LRRIQ1: variants seen among roughly 807,000 people sequenced by gnomAD.
LRRIQ1 encodes leucine-rich repeat- and IQ domain-containing protein 1.
In LRRIQ1, 210 loss-of-function variants were observed where a neutral mutation model predicts 211.9. The ratio of observed to expected loss-of-function variants is 0.99; its 90% CI spans 0.89 to 1.11. The LOEUF is 1.11. Ranked by LOEUF, LRRIQ1 falls within the 50% of genes most tolerant of loss-of-function variation. LRRIQ1 has a pLI of 0.00. For missense variants in LRRIQ1, 2,136 were observed against 1,939.5 expected, an observed-to-expected ratio of 1.10 and a Z score of -1.90; for synonymous variants, 699 against 650.1, an observed-to-expected ratio of 1.08 and a Z score of -1.14.
At chr12:85,051,799 TTA>T (rs1247995880) in intron 6 of LRRIQ1, among the ~76,000 whole-genome samples, 1 of 152,140 alleles carries the variant, frequency 6.6e-6, no homozygotes, top group African/African-American at 2.4e-5. Flanking sequence ...CTGAACTGAT[TTA>T]TGTGAATTAA....
At chr12:85,154,425 C>G (rs1890432752) in intron 23 of LRRIQ1, among the ~76,000 whole-genome samples, 1 of 151,194 alleles carries the variant, frequency 6.6e-6, no homozygotes, top group African/African-American at 2.4e-5. Flanking sequence ...CTGTTTCACT[C>G]CTTAGTCTTT....
chr12:85,072,313 T>C (rs1883171225), intron 10 of LRRIQ1, among the ~76,000 whole-genome samples: 1 of 152,018 alleles, frequency 6.6e-6, no homozygotes, highest in African/African-American at 2.4e-5. Flanking sequence ...TTTTTGGAAC[T>C]TATTTTGGCT....
chr12:85,118,936 C>CAT (rs1887781074), intron 15 of LRRIQ1, among the ~76,000 whole-genome samples: 1 of 151,984 alleles, frequency 6.6e-6, no homozygotes, highest in East Asian at 1.9e-4. Flanking sequence ...ACCTCAACCC[C>CAT]ATACATGCAC....
At chr12:85,074,443 C>T (rs1234395576) in intron 11 of LRRIQ1, among the ~76,000 whole-genome samples, 1 of 151,888 alleles carries the variant, frequency 6.6e-6, no homozygotes, top group Non-Finnish European at 1.5e-5. Context: ...TTTGTTTCTA[C>T]AAACAAATTA....
At chr12:85,058,306 A>G (rs1458073872) in intron 8 of LRRIQ1, among the ~76,000 whole-genome samples, 2 of 152,028 alleles carry the variant, frequency 1.3e-5, no homozygotes, top group African/African-American at 2.4e-5. Context: ...GCAGAGCTAC[A>G]TATAGAATCT....
intron 11 of LRRIQ1, among the ~76,000 whole-genome samples, chr12:85,083,765 C>A (rs1430149762): frequency 6.6e-6 from 1 of 152,054 alleles, no homozygotes; most frequent in Non-Finnish European, 1.5e-5. Context: ...ATAATTAATA[C>A]CTGCCTATTG....
rs1319807076 is a variant in LRRIQ1 at position 85,198,010 on chromosome 12, A to AT, written c.4823-31506dup. ...TTATATATTATATATAACATATATA[A>AT]TATATTATATTATTATATATAACAT... On this transcript the variant is annotated intron_variant, in intron 24 of 26. Transcript: ENST00000393217. Among the ~76,000 whole-genome samples, 8 of 56,700 alleles carry AT rather than the reference A, an allele frequency of 1.4e-4. No homozygotes were observed. In the South Asian group the frequency reaches 2.3e-3, roughly 17 times the overall value. The allele number at this position is 56,700 out of a possible 152,430, so 37.2% of individuals were successfully genotyped here.
intron 8 of LRRIQ1, 115 bp from the exon 9 acceptor site, chr12:85,065,147 C>A: frequency 1.2e-6 from 1 of 824,794 alleles, no homozygotes; most frequent in Non-Finnish European, 1.8e-6. Flanking sequence ...TAGGCTTCAA[C>A]ATATAGTATT....
Position 85,153,674 on chromosome 12 carries a change from A to G in LRRIQ1, c.4553A>G (p.Lys1518Arg), listed in dbSNP as rs1462325478. The change falls in exon 22 of 27, where the codon AAA becomes AGA. Residue 1518 changes from lysine (K) to arginine (R), a missense_variant. Physicochemically the swap from Lys to Arg is conservative, Grantham distance 26. Transcript: ENST00000393217. Reference sequence around the variant, plus strand: ...TTTTCTATTGCCAGATCAGAAAATAAAACTTCTTCCTGGACACCTGAATCA... The same window carrying G: ...TTTTCTATTGCCAGATCAGAAAATAGAACTTCTTCCTGGACACCTGAATCA... The part of the protein sequence containing the change: ...HTQFNSRSEN[K>R]TSSWTPESKT... 1.2e-5 allele frequency: 19 copies of G among 1,582,010 alleles called. No individual in the cohort carries two copies. Among genetic ancestry groups the G allele is most frequent in the African/African-American group, 2.7e-5 (2 of 73,084 alleles).
At chr12:85,064,068 G>A (rs1409818110) in intron 8 of LRRIQ1, among the ~76,000 whole-genome samples, 1 of 151,664 alleles carries the variant, frequency 6.6e-6, no homozygotes, top group Admixed American at 6.6e-5. Context: ...CAGTATTGCT[G>A]GAACATATGG....
intron 24 of LRRIQ1, among the ~76,000 whole-genome samples, chr12:85,192,964 TAA>T (rs1892658973): frequency 1.1e-5 from 1 of 91,464 alleles, no homozygotes; most frequent in Non-Finnish European, 1.9e-5. Flanking sequence ...TTATATAATA[TAA>T]TTATATATAA....
intron 24 of LRRIQ1, among the ~76,000 whole-genome samples, chr12:85,204,720 C>G (rs148956119): frequency 0.14 from 21,958 of 151,956 alleles, 3,141 homozygotes; most frequent in African/African-American, 0.37. Flanking sequence ...TGTATTTTCC[C>G]AATATCTGTA....
intron 24 of LRRIQ1, among the ~76,000 whole-genome samples, chr12:85,209,852 A>C (rs2137061775): frequency 6.6e-6 from 1 of 152,232 alleles, no homozygotes; most frequent in Middle Eastern, 3.4e-3. Flanking sequence ...CTGAAACTAA[A>C]ATTTTGAGCT....
chr12:85,213,547 C>G (rs1028906810), intron 24 of LRRIQ1, among the ~76,000 whole-genome samples: 1 of 151,846 alleles, frequency 6.6e-6, no homozygotes, highest in Non-Finnish European at 1.5e-5. Flanking sequence ...TATCCTTAGG[C>G]CCACATAGGA....
intron 15 of LRRIQ1, among the ~76,000 whole-genome samples, chr12:85,115,909 T>C (rs575060588): frequency 7.2e-5 from 11 of 152,318 alleles, no homozygotes; most frequent in African/African-American, 2.6e-4. Context: ...GATTATTGTG[T>C]TAAAGTAGCT....
chr12:85,161,716 G>A (rs1890887260), intron 24 of LRRIQ1, among the ~76,000 whole-genome samples: 2 of 152,134 alleles, frequency 1.3e-5, no homozygotes, highest in Non-Finnish European at 2.9e-5. Context: ...TGTAGGGGTA[G>A]AAGTCATGGA....
At chr12:85,174,969 G>C (rs946025663) in intron 24 of LRRIQ1, among the ~76,000 whole-genome samples, 3 of 151,952 alleles carry the variant, frequency 2.0e-5, no homozygotes, top group Non-Finnish European at 4.4e-5. Context: ...CTCTTGCAAT[G>C]GGTCAGTTAT....
Position 85,243,921 on chromosome 12 carries a change from A to G in LRRIQ1, c.5017-868A>G, listed in dbSNP as rs564014643. Reference sequence around the variant, plus strand: ...GGTGGTTTTATGCTTTTATTTTGCTATATTTAAGTTTTCCTAACATCAAAC... The same window carrying G: ...GGTGGTTTTATGCTTTTATTTTGCTGTATTTAAGTTTTCCTAACATCAAAC... On this transcript the variant is annotated intron_variant, in intron 26 of 26. Transcript: ENST00000393217. Among the ~76,000 whole-genome samples, 49 of 151,600 alleles carry G rather than the reference A, an allele frequency of 3.2e-4. 1 individual carries two copies. Among genetic ancestry groups the G allele is most frequent in the Non-Finnish European group, 4.1e-4 (28 of 67,664 alleles).
intron 15 of LRRIQ1, among the ~76,000 whole-genome samples, chr12:85,111,040 AGGC>A (rs1887135767): frequency 6.6e-6 from 1 of 152,154 alleles, no homozygotes; most frequent in Admixed American, 6.6e-5. Flanking sequence ...AATATAGGTT[AGGC>A]TTCATAAAAA....
Sources: gnomAD v4.1 joint callset for allele counts (sites outside exome capture counted in the v4.1 genomes callset) on GRCh38, gnomAD v4.1.1 for gene constraint, MANE v1.5 for transcripts, NCBI Gene and HGNC (gene_info 2026-07-23, HGNC 2026-07-21) for gene names.